The following MEIS2 variants were observed in gnomAD, a reference collection of about 807,000 sequenced individuals.
The protein encoded by MEIS2 is homeobox protein Meis2.
In MEIS2, 9 loss-of-function variants were observed where a neutral mutation model predicts 58.6. That is an observed-to-expected ratio of 0.15 (90% CI 0.09 to 0.27). The LOEUF (loss-of-function observed/expected upper bound fraction) is 0.27. Among genes scored for constraint, MEIS2 ranks in the 10% least tolerant of loss-of-function variants. MEIS2 has a pLI of 1.00. For synonymous variants in MEIS2, 221 were observed against 228.4 expected (o/e 0.97, Z 0.29); for missense variants, 427 against 635.0 (o/e 0.67, Z 3.52).
At chr15:36,986,722 CT>C (rs1393863319) in intron 8 of MEIS2, among the ~76,000 whole-genome samples, 1 of 152,186 alleles carries the variant, frequency 6.6e-6, no homozygotes, top group East Asian at 1.9e-4. Context: ...TGACCCCCAC[CT>C]TTTCCTTTTG....
intron 8 of MEIS2, among the ~76,000 whole-genome samples, chr15:36,968,047 A>C (rs1398313906): frequency 1.3e-5 from 2 of 152,216 alleles, no homozygotes; most frequent in Admixed American, 1.3e-4. Context: ...AGCTTGTATA[A>C]GGAGGACAGC....
At chr15:36,942,437 G>A (rs2141366275) in intron 9 of MEIS2, among the ~76,000 whole-genome samples, 2 of 152,216 alleles carry the variant, frequency 1.3e-5, no homozygotes, top group Admixed American at 1.3e-4. Context: ...GGAATTCCTG[G>A]AGTAAGCACC....
intron 8 of MEIS2, among the ~76,000 whole-genome samples, chr15:37,016,875 C>A (rs2061367749): frequency 6.6e-6 from 1 of 152,198 alleles, no homozygotes; most frequent in Middle Eastern, 3.2e-3. Flanking sequence ...ATCGTGAAGG[C>A]ACACACTCTA....
At chr15:37,078,975 G>A (rs985289410) in intron 7 of MEIS2, among the ~76,000 whole-genome samples, 15 of 151,952 alleles carry the variant, frequency 9.9e-5, no homozygotes, top group Admixed American at 3.9e-4. Context: ...GCATTTATGG[G>A]CACCATTACA....
Position 36,939,116 on chromosome 15 carries a change from C to T in MEIS2, c.977+11208G>A, listed in dbSNP as rs1301770371. ...CCATATGACTACTAAAACAGTTCTT[C>T]CTGATTCAAAACTAACTTCCAATCT... On this transcript the variant is annotated intron_variant, in intron 9 of 11. Transcript: ENST00000561208. Among the ~76,000 whole-genome samples the T allele has an allele frequency of 2.6e-5, 4 of 152,172 alleles. No homozygotes were observed. In the East Asian group the frequency reaches 7.7e-4, roughly 29 times the overall value.
At chr15:37,026,223 CA>C (rs2061699885) in intron 8 of MEIS2, among the ~76,000 whole-genome samples, 1 of 152,106 alleles carries the variant, frequency 6.6e-6, no homozygotes, top group Non-Finnish European at 1.5e-5. Context: ...AATAATCTAG[CA>C]TTCATCTTTT....
chr15:37,096,061 C>A, intron 3 of MEIS2: 1 of 504,040 alleles, frequency 2.0e-6, no homozygotes, highest in South Asian at 3.3e-5. Context: ...AACTTTAATT[C>A]GAGGGTCGAC....
At position 36,955,754 on chromosome 15, in the gene MEIS2, C is replaced by T. The variant is rs143998215; in HGVS notation, c.901-5354G>A. 3.3e-3 allele frequency among the ~76,000 whole-genome samples: 509 copies of T among 152,206 alleles called. 3 individuals are homozygous for T. The highest frequency in any genetic ancestry group is 0.012 in the African/African-American group (492 of 41,516). On this transcript the variant is annotated intron_variant, in intron 8 of 11. Coordinates refer to ENST00000561208, the MANE Select transcript of MEIS2 (RefSeq NM_170675.5). ...ACTGCCAAGCTAACTCCTGTTTCTA[C>T]CTGAAGCACTTCTGCATGAAACAGT...
intron 8 of MEIS2, among the ~76,000 whole-genome samples, chr15:36,966,414 G>A (rs16964414): frequency 0.069 from 10,527 of 152,118 alleles, 614 homozygotes; most frequent in South Asian, 0.27. Context: ...TCTTAGTATC[G>A]CATCACCAGA....
intron 8 of MEIS2, among the ~76,000 whole-genome samples, chr15:37,034,339 A>T (rs1317946877): frequency 6.6e-6 from 1 of 152,214 alleles, no homozygotes; most frequent in Non-Finnish European, 1.5e-5. Context: ...CAGAGCATGA[A>T]TGCAGACTTC....
chr15:36,948,543 T>A (rs2058651399), intron 9 of MEIS2, among the ~76,000 whole-genome samples: 1 of 151,986 alleles, frequency 6.6e-6, no homozygotes, highest in Non-Finnish European at 1.5e-5. Flanking sequence ...TTCTCAGAAA[T>A]TCCCATCACA....
At chr15:36,963,742 G>A (rs2059267780) in intron 8 of MEIS2, among the ~76,000 whole-genome samples, 1 of 152,148 alleles carries the variant, frequency 6.6e-6, no homozygotes, top group Non-Finnish European at 1.5e-5. Flanking sequence ...CATCCCAGGC[G>A]AGATCTTTAA....
chr15:37,098,669 C>T, intron 1 of MEIS2: 1 of 195,744 alleles, frequency 5.1e-6, no homozygotes, highest in Non-Finnish European at 9.3e-6. Context: ...CCGTAGCGAG[C>T]CAACGGAGGG....
intron 6 of MEIS2, among the ~76,000 whole-genome samples, chr15:37,091,477 C>G (rs1893507054): frequency 6.6e-6 from 1 of 152,148 alleles, no homozygotes; most frequent in African/African-American, 2.4e-5. Flanking sequence ...AATGAAGTGG[C>G]AAGCCCTCAT....
intron 8 of MEIS2, among the ~76,000 whole-genome samples, chr15:36,981,563 G>C (rs1460246129): frequency 2.0e-5 from 3 of 152,012 alleles, no homozygotes; most frequent in African/African-American, 7.2e-5. Flanking sequence ...GTGAGGCTTT[G>C]ATATGTGAGT....
intron 9 of MEIS2, among the ~76,000 whole-genome samples, chr15:36,917,516 C>T (rs1449328290): frequency 2.0e-5 from 3 of 150,898 alleles, no homozygotes; most frequent in African/African-American, 7.3e-5. Flanking sequence ...AAGGGTTATA[C>T]ATGAATAGTG....
Position 37,090,721 on chromosome 15 carries a change from T to C in MEIS2, c.639+2860A>G, listed in dbSNP as rs142585808. Among the ~76,000 whole-genome samples the C allele has an allele frequency of 8.9e-4, 136 of 151,990 alleles. 2 individuals are homozygous for C. In the East Asian group the frequency reaches 0.022, roughly 25 times the overall value. ...GAAGCTGGATACCACTTAATAAGAGTAGAGGTGTATGTGTTTTGGGGGTGT... is the reference window on the plus strand; with the variant it reads ...GAAGCTGGATACCACTTAATAAGAGCAGAGGTGTATGTGTTTTGGGGGTGT... On this transcript the variant is annotated intron_variant, in intron 6 of 11. Transcript: ENST00000561208.
chr15:37,071,038 C>T (rs969492982), intron 7 of MEIS2, among the ~76,000 whole-genome samples: 4 of 151,988 alleles, frequency 2.6e-5, no homozygotes, highest in Non-Finnish European at 4.4e-5. Flanking sequence ...TGTCACTACC[C>T]CCATTCAAAA....
intron 8 of MEIS2, among the ~76,000 whole-genome samples, chr15:36,982,162 C>A (rs1589660): frequency 0.1 from 15,655 of 152,114 alleles, 929 homozygotes; most frequent in South Asian, 0.22. Flanking sequence ...CTCTCTATAT[C>A]CTATTGGTTC....
Sources: allele counts gnomAD v4.1 joint callset (sites outside exome capture counted in the v4.1 genomes callset), GRCh38; gene constraint gnomAD v4.1.1; transcripts MANE v1.5; gene names NCBI Gene and HGNC (gene_info 2026-07-23, HGNC 2026-07-21).